Variants in SPON1 observed in about 807,000 individuals in gnomAD.
SPON1 encodes spondin-1.
Under a neutral mutation model 111.7 loss-of-function variants are expected in SPON1, and 52 were observed. The ratio of observed to expected loss-of-function variants is 0.47; its 90% CI spans 0.37 to 0.59. The LOEUF is 0.59. SPON1 is among the 20% of genes least tolerant of loss of function. SPON1 has a pLI of 0.00. For synonymous variants in SPON1, 410 were observed against 395.8 expected (o/e 1.04, Z -0.43); for missense variants, 957 against 1,068.5 (o/e 0.90, Z 1.46).
rs1294687355 is a variant in SPON1, at chr11:14,161,193, ATATATATT to A, written c.825+25641_825+25648del. Among the ~76,000 whole-genome samples, 65 of 62,380 alleles carry A rather than the reference ATATATATT, an allele frequency of 1.0e-3. 4 individuals are homozygous for A. In the South Asian group the frequency reaches 0.013, roughly 13 times the overall value. 40.9% of individuals were successfully genotyped at this position (62,380 alleles called of 152,430 possible). On this transcript the variant is annotated intron_variant, in intron 6 of 15. Coordinates refer to ENST00000576479, the MANE Select transcript of SPON1 (RefSeq NM_006108.4). The stretch of plus-strand genomic sequence containing the variant: ...TATATATCTATATATTTATATATCT[ATATATATT>A]TATATATTTATATATATCTATATAT...
chr11:14,176,991 T>G (rs1848184152), intron 6 of SPON1, among the ~76,000 whole-genome samples: 1 of 152,198 alleles, frequency 6.6e-6, no homozygotes, highest in Admixed American at 6.5e-5. Context: ...AGTTTTATTA[T>G]TACTCAAATC....
At chr11:14,129,752 G>A (rs910193308) in intron 5 of SPON1, among the ~76,000 whole-genome samples, 1 of 152,042 alleles carries the variant, frequency 6.6e-6, no homozygotes, top group Non-Finnish European at 1.5e-5. Flanking sequence ...CCTGCGACTC[G>A]GTAATTTATA....
chr11:14,020,866 G>A lies in SPON1; in HGVS notation c.346-20655G>A, dbSNP rs181454331. 3.5e-3 allele frequency among the ~76,000 whole-genome samples: 534 copies of A among 152,240 alleles called. 3 individuals carry two copies. The highest frequency in any genetic ancestry group is 0.02 in the Middle Eastern group (6 of 294). On this transcript the variant is annotated intron_variant, in intron 2 of 15. Coordinates refer to ENST00000576479, the MANE Select transcript of SPON1 (RefSeq NM_006108.4). ...TTTCTGGGACTCAGTTTCTTTAGCT[G>A]TAAAATGGGATAATTATAATACTAA...
chr11:14,113,568 A>ATTTTTTTTTTTTTTTTTTTTT (rs782780924), intron 5 of SPON1, among the ~76,000 whole-genome samples: 4 of 74,754 alleles, frequency 5.4e-5, no homozygotes, highest in East Asian at 3.2e-4. Context: ...TACTTTTTAA[A>ATTTTTTTTTTTTTTTTTTTTT]TTTTTTTTTT....
chr11:14,208,887 T>A (rs1276373558), intron 6 of SPON1, among the ~76,000 whole-genome samples: 8 of 152,200 alleles, frequency 5.3e-5, no homozygotes, highest in Non-Finnish European at 1.0e-4. Context: ...GTATAGAATT[T>A]ATAGTACTGT....
At chr11:13,989,354 C>T (rs1018574836) in intron 2 of SPON1, among the ~76,000 whole-genome samples, 4 of 152,130 alleles carry the variant, frequency 2.6e-5, no homozygotes, top group Non-Finnish European at 2.9e-5. Context: ...TTATAGTGTT[C>T]TCTGATGGTA....
At chr11:13,977,669 A>G (rs1848112906) in intron 1 of SPON1, among the ~76,000 whole-genome samples, 1 of 152,116 alleles carries the variant, frequency 6.6e-6, no homozygotes, top group Admixed American at 6.6e-5. Flanking sequence ...TTTGATGAGC[A>G]AAAGTTTGAT....
intron 6 of SPON1, among the ~76,000 whole-genome samples, chr11:14,156,927 T>C (rs998670817): frequency 2.0e-5 from 3 of 152,198 alleles, no homozygotes; most frequent in African/African-American, 7.2e-5. Context: ...TCTGCCCCCA[T>C]GATTCAATCA....
chr11:14,261,588 C>T (rs1849183005), intron 14 of SPON1, among the ~76,000 whole-genome samples: 1 of 152,164 alleles, frequency 6.6e-6, no homozygotes, highest in Admixed American at 6.5e-5. Flanking sequence ...TTACTTAATC[C>T]CTGCTCCATG....
At chr11:13,968,846 A>G (rs1026316495) in intron 1 of SPON1, among the ~76,000 whole-genome samples, 2 of 152,206 alleles carry the variant, frequency 1.3e-5, no homozygotes, top group African/African-American at 4.8e-5. Context: ...GGTCATACCT[A>G]GCTGCAAGGA....
intron 5 of SPON1, among the ~76,000 whole-genome samples, chr11:14,090,238 G>A (rs1467777226): frequency 6.0e-5 from 9 of 150,572 alleles, no homozygotes; most frequent in Non-Finnish European, 1.2e-4. Context: ...CCAGCTTGGC[G>A]TCTGCCCAAA....
chr11:14,150,493 GGT>G lies in SPON1; in HGVS notation c.825+14927_825+14928del, dbSNP rs1358093287. On this transcript the variant is annotated intron_variant, in intron 6 of 15. Transcript: ENST00000576479. ...CTCAACGCAAAGAAACAATAAATGA[GGT>G]GATATGCATGCAAATTACCCTTTGA... 3.9e-5 allele frequency among the ~76,000 whole-genome samples: 6 copies of G among 152,116 alleles called. No homozygotes were observed. The East Asian group carries it at 1.2e-3, about 29-fold the overall frequency.
chr11:13,986,163 G>A (rs1430206097), intron 2 of SPON1, among the ~76,000 whole-genome samples: 4 of 152,164 alleles, frequency 2.6e-5, no homozygotes, highest in Admixed American at 2.6e-4. Flanking sequence ...AGTCCTCCTT[G>A]TCATCATCCC....
chr11:14,174,470 C>T (rs1300794752), intron 6 of SPON1, among the ~76,000 whole-genome samples: 4 of 152,120 alleles, frequency 2.6e-5, no homozygotes, highest in Admixed American at 2.0e-4. Flanking sequence ...CAATGCAAAA[C>T]AGAACACAGC....
intron 5 of SPON1, among the ~76,000 whole-genome samples, chr11:14,124,873 AT>A (rs1847436850): frequency 6.6e-6 from 1 of 152,236 alleles, no homozygotes; most frequent in Admixed American, 6.5e-5. Context: ...AATGTAATCA[AT>A]TTTATAAGTG....
At chr11:14,039,442 G>A (rs1554917038) in intron 2 of SPON1, among the ~76,000 whole-genome samples, 1 of 152,070 alleles carries the variant, frequency 6.6e-6, no homozygotes, top group Non-Finnish European at 1.5e-5. Context: ...GTGTGTGTAG[G>A]GGTGAAGGGA....
intron 2 of SPON1, among the ~76,000 whole-genome samples, chr11:13,988,090 A>G (rs1554910657): frequency 6.6e-6 from 1 of 152,170 alleles, no homozygotes; most frequent in African/African-American, 2.4e-5. Flanking sequence ...TTCTGTGAGC[A>G]AAGTCAGTGG....
chr11:14,206,833 C>T (rs1417192767), intron 6 of SPON1, among the ~76,000 whole-genome samples: 1 of 152,056 alleles, frequency 6.6e-6, no homozygotes, highest in Non-Finnish European at 1.5e-5. Flanking sequence ...AGATTCAATG[C>T]AATTCCTATT....
chr11:14,049,293 T>C (rs1848691361), intron 3 of SPON1, among the ~76,000 whole-genome samples: 1 of 152,170 alleles, frequency 6.6e-6, no homozygotes. Flanking sequence ...TGCTCTACAT[T>C]CATTGCCTAA....
Sources: allele counts gnomAD v4.1 joint callset (sites outside exome capture counted in the v4.1 genomes callset), GRCh38; gene constraint gnomAD v4.1.1; transcripts MANE v1.5; gene names NCBI Gene and HGNC (gene_info 2026-07-23, HGNC 2026-07-21).